Variants in DPP10 observed in about 807,000 individuals in gnomAD.
DPP10 encodes the protein dipeptidyl peptidase like 10, also known as inactive dipeptidyl peptidase 10.
In DPP10, 33 loss-of-function variants were observed where a neutral mutation model predicts 120.9. That is an observed-to-expected ratio of 0.27 (90% CI 0.21 to 0.37). The LOEUF is 0.37. Among genes scored for constraint, DPP10 ranks in the 10% least tolerant of loss-of-function variants. The probability of loss-of-function intolerance (pLI) is 1.00; values close to 1 mark genes in which losing one functional copy is unlikely to be tolerated. For missense variants in DPP10, 816 were observed against 942.8 expected, an observed-to-expected ratio of 0.87 and a Z score of 1.76; for synonymous variants, 337 against 326.1, an observed-to-expected ratio of 1.03 and a Z score of -0.36.
At chr2:115,100,635 G>A (rs926277584) in intron 1 of DPP10, among the ~76,000 whole-genome samples, 1 of 152,066 alleles carries the variant, frequency 6.6e-6, no homozygotes, top group African/African-American at 2.4e-5. Flanking sequence ...GGTATCCAAA[G>A]TGGCGGTAAC....
At chr2:114,926,825 C>T (rs188592122) in intron 1 of DPP10, among the ~76,000 whole-genome samples, 1 of 151,290 alleles carries the variant, frequency 6.6e-6, no homozygotes, top group African/African-American at 2.4e-5. Context: ...AAATGATTTC[C>T]CTTTTGAGCT....
Position 115,842,319 on chromosome 2 carries a change from C to T in DPP10, c.2365C>T (p.Pro789Ser). ...TTTGAAGGAAGAAATATCTGTGCTACCACAGGAACCAGAAGAAGATGAATA... is the reference window on the plus strand; with the variant it reads ...TTTGAAGGAAGAAATATCTGTGCTATCACAGGAACCAGAAGAAGATGAATA... The part of the protein sequence containing the change: ...DCLKEEISVL[P>S]QEPEEDE Residue 789 changes from proline to serine, a missense_variant, in exon 26 of 26, where the codon CCA becomes TCA. By Grantham distance (74) the Pro-to-Ser change is moderately conservative. This residue lies in a region of DPP10 where 592 missense variants were observed against 649.0 expected (regional missense o/e 0.91). Coordinates refer to ENST00000410059, the MANE Select transcript of DPP10 (RefSeq NM_020868.6). 6.2e-7 allele frequency: 1 copy of T among 1,613,800 alleles called. No homozygotes were observed. Among genetic ancestry groups the T allele is most frequent in the Non-Finnish European group, 8.5e-7 (1 of 1,179,850 alleles).
intron 1 of DPP10, among the ~76,000 whole-genome samples, chr2:114,694,190 C>A (rs1361228454): frequency 6.6e-6 from 1 of 151,714 alleles, no homozygotes; most frequent in South Asian, 2.1e-4. Context: ...AATAAAAATA[C>A]CCTCCTCATA....
intron 1 of DPP10, among the ~76,000 whole-genome samples, chr2:114,989,724 C>G (rs946550200): frequency 3.3e-5 from 5 of 152,178 alleles, no homozygotes; most frequent in Non-Finnish European, 7.4e-5. Flanking sequence ...AAATCATAAT[C>G]ACAATTAAGA....
intron 1 of DPP10, chr2:114,463,392 C>G (rs1679090923): frequency 6.6e-6 from 1 of 152,058 alleles, no homozygotes; most frequent in African/African-American, 2.4e-5. Context: ...TTTTTCCATC[C>G]AGGTATACAT....
chr2:114,487,633 A>G (rs1681627747), intron 1 of DPP10, among the ~76,000 whole-genome samples: 1 of 152,196 alleles, frequency 6.6e-6, no homozygotes. Flanking sequence ...TCTTTAATAA[A>G]TCAATTTAAA....
chr2:115,694,552 G>A (rs1243692187), intron 7 of DPP10, among the ~76,000 whole-genome samples: 3 of 152,202 alleles, frequency 2.0e-5, no homozygotes, highest in Non-Finnish European at 4.4e-5. Context: ...GCATTATTTG[G>A]AGAAGGTGGT....
chr2:115,766,460 G>A (rs1203495487), intron 12 of DPP10, among the ~76,000 whole-genome samples: 1 of 150,482 alleles, frequency 6.6e-6, no homozygotes, highest in Non-Finnish European at 1.5e-5. Context: ...ATGTACATAT[G>A]TACATACATT....
At chr2:114,483,341 T>C (rs898625732) in intron 1 of DPP10, among the ~76,000 whole-genome samples, 2 of 152,020 alleles carry the variant, frequency 1.3e-5, no homozygotes, top group Non-Finnish European at 2.9e-5. Context: ...TTCCACTAGG[T>C]TTTCTTCCTC....
intron 1 of DPP10, among the ~76,000 whole-genome samples, chr2:115,154,258 A>G (rs1365330881): frequency 3.3e-5 from 5 of 152,228 alleles, no homozygotes; most frequent in African/African-American, 1.2e-4. Context: ...ATTAGGAGTG[A>G]TAGTGCAAAC....
At chr2:114,551,360 A>G (rs1189108890) in intron 1 of DPP10, among the ~76,000 whole-genome samples, 1 of 152,120 alleles carries the variant, frequency 6.6e-6, no homozygotes, top group Non-Finnish European at 1.5e-5. Flanking sequence ...ATTCTCAATG[A>G]GGTTGTATCC....
At chr2:115,627,272 AACACCTG>A (rs1356591537) in intron 5 of DPP10, among the ~76,000 whole-genome samples, 1 of 152,130 alleles carries the variant, frequency 6.6e-6, no homozygotes, top group African/African-American at 2.4e-5. Flanking sequence ...GACAGAATAT[AACACCTG>A]ACACTGGGCA....
intron 11 of DPP10, among the ~76,000 whole-genome samples, chr2:115,757,320 G>T (rs548138009): frequency 6.6e-6 from 1 of 151,790 alleles, no homozygotes; most frequent in African/African-American, 2.4e-5. Flanking sequence ...ACCGAGACTG[G>T]GCAATTTCCA....
chr2:114,589,496 TA>T (rs1274847412), intron 1 of DPP10, among the ~76,000 whole-genome samples: 1 of 152,138 alleles, frequency 6.6e-6, no homozygotes, highest in Non-Finnish European at 1.5e-5. Flanking sequence ...TCCTTTTCCA[TA>T]AAAAAGTGCT....
chr2:114,709,168 T>C (rs1700869729), intron 1 of DPP10, among the ~76,000 whole-genome samples: 1 of 152,130 alleles, frequency 6.6e-6, no homozygotes, highest in Non-Finnish European at 1.5e-5. Context: ...AAGGGAGGCA[T>C]TGGCAGGAGA....
chr2:114,746,314 T>C (rs1678575829), intron 1 of DPP10, among the ~76,000 whole-genome samples: 1 of 152,208 alleles, frequency 6.6e-6, no homozygotes, highest in Admixed American at 6.5e-5. Flanking sequence ...CAATCCTCTT[T>C]GGCCTCACCC....
intron 3 of DPP10, among the ~76,000 whole-genome samples, chr2:115,402,547 G>A (rs958751868): frequency 6.6e-6 from 1 of 151,174 alleles, no homozygotes; most frequent in African/African-American, 2.4e-5. Flanking sequence ...TAGAAGAAAT[G>A]GATAAATTCC....
intron 1 of DPP10, among the ~76,000 whole-genome samples, chr2:115,194,233 T>G (rs1272778954): frequency 6.6e-6 from 1 of 152,146 alleles, no homozygotes; most frequent in Non-Finnish European, 1.5e-5. Flanking sequence ...GTTTGTTGTT[T>G]TTTTTTTTGA....
chr2:115,370,343 A>G (rs2065327427), intron 3 of DPP10, among the ~76,000 whole-genome samples: 1 of 152,062 alleles, frequency 6.6e-6, no homozygotes, highest in Non-Finnish European at 1.5e-5. Flanking sequence ...CAGGCACAGT[A>G]ATTGATCATA....
Sources: gnomAD v4.1 joint callset for allele counts (sites outside exome capture counted in the v4.1 genomes callset) on GRCh38, gnomAD v4.1.1 for gene constraint, gnomAD v4.1.1 regional missense constraint, MANE v1.5 for transcripts, NCBI Gene and HGNC (gene_info 2026-07-23, HGNC 2026-07-21) for gene names.